C1orf146: variants seen among roughly 807,000 people sequenced by gnomAD.
C1orf146 encodes chromosome 1 open reading frame 146.
In C1orf146, 22 loss-of-function variants were observed where a neutral mutation model predicts 23.0. The observed-to-expected ratio is 0.96, with a 90% CI of 0.68 to 1.36. The LOEUF is 1.36. C1orf146 is among the 40% of genes most tolerant of loss of function. The probability of loss-of-function intolerance (pLI) is 0.00; values close to 1 mark genes in which losing one functional copy is unlikely to be tolerated. For missense variants in C1orf146, 199 were observed against 206.8 expected (o/e 0.96, Z 0.23); for synonymous variants, 59 against 65.3 (o/e 0.90, Z 0.47).
At chr1:92,235,724 A>G (rs1348552929) in intron 2 of C1orf146, among the ~76,000 whole-genome samples, 1 of 152,096 alleles carries the variant, frequency 6.6e-6, no homozygotes, top group Non-Finnish European at 1.5e-5. Flanking sequence ...AAAGTCTCCC[A>G]TTATTAGTGT....
At position 92,224,774 on chromosome 1, in the gene C1orf146, G is replaced by C. The variant is rs537540085; in HGVS notation, c.-39-6608G>C. On this transcript the variant is annotated intron_variant, in intron 1 of 5. Transcript: ENST00000370375. ...AATTTGTTCTTCTTTTTTTTCGTTT[G>C]AGACGGAGTCTTGCTCTGTCACCAG... is the stretch of plus-strand genomic sequence containing the variant. Among the ~76,000 whole-genome samples, 5 of 150,448 alleles carry C rather than the reference G, an allele frequency of 3.3e-5. No homozygotes were observed. The East Asian group carries it at 7.8e-4, about 23-fold the overall frequency.
chr1:92,242,141 A>AAT (rs1652446257), intron 2 of C1orf146, 71 bp from the exon 3 acceptor site: 2 of 750,398 alleles, frequency 2.7e-6, no homozygotes, highest in East Asian at 5.8e-5. Context: ...TTAAACTTTT[A>AAT]ATTTTTTCTT....
intron 1 of C1orf146, among the ~76,000 whole-genome samples, chr1:92,225,976 T>C (rs1208005937): frequency 6.6e-6 from 1 of 152,242 alleles, no homozygotes; most frequent in African/African-American, 2.4e-5. Flanking sequence ...CATTTTAATG[T>C]AATTACTCAG....
At position 92,245,721 on chromosome 1, in the gene C1orf146, C is replaced by T; in HGVS notation, c.*47C>T. On this transcript the variant is annotated 3_prime_UTR_variant, in exon 6 of 6. Transcript: ENST00000370375. ...TCGAAGAATGTGAAAATAATTAGAC[C>T]TGTTAAATTATAATATTCAAATATC... 2 of 1,215,796 alleles carry T rather than the reference C, an allele frequency of 1.6e-6. No homozygotes were observed. The highest frequency in any genetic ancestry group is 2.3e-6 in the Non-Finnish European group (2 of 871,748). The allele number at this position is 1,215,796 out of a possible 1,614,324, so 75.3% of individuals were successfully genotyped here. A position where few individuals can be genotyped will look rare whatever the true frequency, so the allele number is the denominator to read the frequency against.
At chr1:92,239,192 G>T (rs1484964078) in intron 2 of C1orf146, among the ~76,000 whole-genome samples, 4 of 152,144 alleles carry the variant, frequency 2.6e-5, no homozygotes, top group South Asian at 4.1e-4. Flanking sequence ...GTTTTAAGGT[G>T]TGTATTTGAT....
intron 2 of C1orf146, among the ~76,000 whole-genome samples, chr1:92,233,034 GAAAATTT>G (rs940446274): frequency 6.6e-6 from 1 of 151,914 alleles, no homozygotes; most frequent in Non-Finnish European, 1.5e-5. Context: ...AGTAGGTTGT[GAAAATTT>G]TCTCCCATTT....
chr1:92,235,141 C>A (rs1652244155), intron 2 of C1orf146, among the ~76,000 whole-genome samples: 1 of 151,734 alleles, frequency 6.6e-6, no homozygotes, highest in Non-Finnish European at 1.5e-5. Context: ...TTATTTCTTG[C>A]CTTCTGCTAG....
intron 1 of C1orf146, among the ~76,000 whole-genome samples, chr1:92,230,212 C>G (rs1652080477): frequency 6.6e-6 from 1 of 151,874 alleles, no homozygotes; most frequent in Admixed American, 6.6e-5. Context: ...ACTTGTAATC[C>G]TGACACTTTA....
At chr1:92,225,062 T>C (rs965161423) in intron 1 of C1orf146, among the ~76,000 whole-genome samples, 2 of 151,760 alleles carry the variant, frequency 1.3e-5, no homozygotes, top group African/African-American at 4.8e-5. Context: ...TAAGATAAGA[T>C]GGAATAAGGT....
intron 1 of C1orf146, among the ~76,000 whole-genome samples, chr1:92,224,012 TTTTA>T (rs146799961): frequency 0.37 from 49,036 of 132,940 alleles, 9,198 homozygotes; most frequent in African/African-American, 0.41. Flanking sequence ...TGTTGTTTTA[TTTTA>T]TTTATTTATT....
intron 5 of C1orf146, 110 bp downstream of exon 5, chr1:92,244,967 G>A: frequency 1.6e-6 from 1 of 630,330 alleles, no homozygotes. Flanking sequence ...CTGTTCCCCT[G>A]CGGGAGTTGC....
At chr1:92,238,151 ACTCCGATCC>A (rs1652342793) in intron 2 of C1orf146, among the ~76,000 whole-genome samples, 1 of 151,952 alleles carries the variant, frequency 6.6e-6, no homozygotes, top group Non-Finnish European at 1.5e-5. Context: ...CTGGTCTCGA[ACTCCGATCC>A]CTGCCTGCCC....
intron 3 of C1orf146, among the ~76,000 whole-genome samples, chr1:92,242,641 A>G (rs895860866): frequency 1.3e-5 from 2 of 152,230 alleles, no homozygotes; most frequent in African/African-American, 4.8e-5. Context: ...ATTTGTCAAA[A>G]CTGATATACA....
At chr1:92,228,330 A>G (rs1328222152) in intron 1 of C1orf146, among the ~76,000 whole-genome samples, 1 of 152,182 alleles carries the variant, frequency 6.6e-6, no homozygotes. Context: ...CCAGTATTTC[A>G]GTCTCCCCTT....
At chr1:92,218,543 C>A (rs1306359397) in intron 1 of C1orf146, among the ~76,000 whole-genome samples, 1 of 152,104 alleles carries the variant, frequency 6.6e-6, no homozygotes, top group Non-Finnish European at 1.5e-5. Context: ...ACTGGGCCCA[C>A]GCTTTTTGTT....
chr1:92,245,358 A>T lies in C1orf146; in HGVS notation c.409-182A>T, dbSNP rs12093038. ...ATTCTACTTTTTGGCTTGCATGTTT[A>T]AAATTCCTTGATAGAAACTAAGTAT... On this transcript the variant is annotated intron_variant, in intron 5 of 5. Transcript: ENST00000370375. Among the ~76,000 whole-genome samples the T allele has an allele frequency of 0.047, 7,086 of 152,234 alleles. 552 individuals carry two copies. The highest frequency in any genetic ancestry group is 0.16 in the African/African-American group (6,663 of 41,494).
At chr1:92,231,740 T>G (rs1290835995) in intron 2 of C1orf146, among the ~76,000 whole-genome samples, 1 of 151,900 alleles carries the variant, frequency 6.6e-6, no homozygotes, top group African/African-American at 2.4e-5. Flanking sequence ...GTAAGCACTC[T>G]AATAGAGATG....
intron 2 of C1orf146, among the ~76,000 whole-genome samples, chr1:92,233,609 A>G (rs113871965): frequency 6.6e-6 from 1 of 152,128 alleles, no homozygotes; most frequent in Admixed American, 6.5e-5. Context: ...TTTTGGTTCC[A>G]TGTGAACTTT....
At chr1:92,236,604 G>A in intron 2 of C1orf146, among the ~76,000 whole-genome samples, 1 of 152,046 alleles carries the variant, frequency 6.6e-6, no homozygotes, top group Non-Finnish European at 1.5e-5. Context: ...TGCTCTTCTT[G>A]AGGAGTATCT....
Sources: gnomAD v4.1 joint callset for allele counts (sites outside exome capture counted in the v4.1 genomes callset) on GRCh38, gnomAD v4.1.1 for gene constraint, MANE v1.5 for transcripts, NCBI Gene and HGNC (gene_info 2026-07-23, HGNC 2026-07-21) for gene names.